The following RBMS3 variants were observed in gnomAD, a reference collection of about 807,000 sequenced individuals.
The protein encoded by RBMS3 is RNA binding motif single stranded interacting protein 3, also known as RNA-binding motif, single-stranded-interacting protein 3.
RBMS3 carries 27 observed loss-of-function variants against 66.8 expected under a neutral mutation model. The ratio of observed to expected loss-of-function variants is 0.40; its 90% CI spans 0.30 to 0.56. RBMS3 has a LOEUF of 0.56. Ranked by LOEUF, RBMS3 falls within the 20% of genes least tolerant of loss-of-function variation. The pLI, the probability that RBMS3 is intolerant of heterozygous loss-of-function variation, is 0.40. For missense variants in RBMS3, 513 were observed against 549.5 expected (o/e 0.93, Z 0.66); for synonymous variants, 188 against 183.0 (o/e 1.03, Z -0.22).
chr3:29,578,447 G>A (rs925155674), intron 3 of RBMS3, among the ~76,000 whole-genome samples: 2 of 152,178 alleles, frequency 1.3e-5, no homozygotes, highest in African/African-American at 4.8e-5. Flanking sequence ...GTAATCTGGA[G>A]TATAAGAAGA....
intron 2 of RBMS3, among the ~76,000 whole-genome samples, chr3:29,460,180 T>G (rs2042326728): frequency 6.6e-6 from 1 of 152,184 alleles, no homozygotes; most frequent in South Asian, 2.1e-4. Context: ...ACACCATTGG[T>G]AGAAATATGT....
At chr3:29,394,829 A>G (rs1292340018) in intron 1 of RBMS3, among the ~76,000 whole-genome samples, 1 of 152,162 alleles carries the variant, frequency 6.6e-6, no homozygotes. Context: ...AGACTGCTTC[A>G]GCCACAGTGG....
chr3:29,658,908 C>T (rs960450614), intron 4 of RBMS3, among the ~76,000 whole-genome samples: 10 of 152,176 alleles, frequency 6.6e-5, no homozygotes, highest in Middle Eastern at 3.2e-3. Context: ...CTGCAACCTC[C>T]GCCTCCCGGG....
At chr3:29,303,569 G>A (rs2033817309) in intron 1 of RBMS3, among the ~76,000 whole-genome samples, 1 of 151,910 alleles carries the variant, frequency 6.6e-6, no homozygotes, top group African/African-American at 2.4e-5. Flanking sequence ...GCCTAGGATG[G>A]CACTTCTTGA....
chr3:29,850,570 C>T (rs1172799028), intron 6 of RBMS3, among the ~76,000 whole-genome samples: 1 of 152,056 alleles, frequency 6.6e-6, no homozygotes, highest in Non-Finnish European at 1.5e-5. Flanking sequence ...TCCATTTTCG[C>T]TAGGAAATTG....
At chr3:29,336,713 C>T (rs887901494) in intron 1 of RBMS3, among the ~76,000 whole-genome samples, 1 of 152,040 alleles carries the variant, frequency 6.6e-6, no homozygotes, top group African/African-American at 2.4e-5. Context: ...TATTATTAGT[C>T]ATTCTATAAT....
chr3:29,436,371 G>A (rs1254477636), intron 2 of RBMS3, among the ~76,000 whole-genome samples: 1 of 152,126 alleles, frequency 6.6e-6, no homozygotes, highest in African/African-American at 2.4e-5. Flanking sequence ...TTGCTACTGA[G>A]TGCCTTGATT....
At chr3:29,903,933 T>G (rs1222905884) in intron 10 of RBMS3, among the ~76,000 whole-genome samples, 2 of 151,954 alleles carry the variant, frequency 1.3e-5, no homozygotes, top group Non-Finnish European at 2.9e-5. Flanking sequence ...AAATATAAAC[T>G]TCTTCTTTAC....
At chr3:29,807,671 C>T (rs2057600364) in intron 6 of RBMS3, among the ~76,000 whole-genome samples, 1 of 151,774 alleles carries the variant, frequency 6.6e-6, no homozygotes. Context: ...AATATGGTGA[C>T]TTGGAAAGAT....
chr3:29,502,383 C>T (rs1254745407), intron 3 of RBMS3, among the ~76,000 whole-genome samples: 1 of 152,064 alleles, frequency 6.6e-6, no homozygotes, highest in East Asian at 1.9e-4. Context: ...CACTCTTTCT[C>T]CCATAAAATA....
chr3:29,599,679 C>T (rs1218284538), intron 4 of RBMS3, among the ~76,000 whole-genome samples: 1 of 152,012 alleles, frequency 6.6e-6, no homozygotes, highest in Non-Finnish European at 1.5e-5. Flanking sequence ...TACAAACATT[C>T]ATGTAGCAGG....
chr3:29,936,713 A>G (rs2149689757), intron 11 of RBMS3, among the ~76,000 whole-genome samples: 1 of 152,180 alleles, frequency 6.6e-6, no homozygotes, highest in South Asian at 2.1e-4. Flanking sequence ...GAAGGAAGGG[A>G]ACCTAATGTG....
chr3:29,897,505 A>G, intron 9 of RBMS3, 30 bp downstream of exon 9: 2 of 1,581,096 alleles, frequency 1.3e-6, no homozygotes, highest in Non-Finnish European at 1.7e-6. Context: ...ACCTTAGGAG[A>G]TATCTTTCTT....
chr3:29,364,108 A>G (rs1575621648), intron 1 of RBMS3, among the ~76,000 whole-genome samples: 1 of 152,176 alleles, frequency 6.6e-6, no homozygotes, highest in Non-Finnish European at 1.5e-5. Context: ...TGGAACCATT[A>G]CATGTCCAAA....
At chr3:29,444,345 T>C (rs2041738338) in intron 2 of RBMS3, among the ~76,000 whole-genome samples, 1 of 152,094 alleles carries the variant, frequency 6.6e-6, no homozygotes, top group Non-Finnish European at 1.5e-5. Context: ...AGCTGGTAAT[T>C]AGCAAATCCA....
intron 3 of RBMS3, among the ~76,000 whole-genome samples, chr3:29,533,332 A>G (rs996415972): frequency 3.7e-4 from 56 of 151,710 alleles, no homozygotes; most frequent in African/African-American, 1.0e-3. Flanking sequence ...TAAAAAAAAA[A>G]TTAGTGAAGT....
intron 3 of RBMS3, among the ~76,000 whole-genome samples, chr3:29,505,148 G>A (rs567261517): frequency 3.9e-5 from 6 of 152,020 alleles, no homozygotes; most frequent in Non-Finnish European, 7.4e-5. Flanking sequence ...ATGTCACAGA[G>A]CTTTTCGGCT....
chr3:29,989,436 G>T (rs977054512), intron 13 of RBMS3, among the ~76,000 whole-genome samples: 1 of 152,084 alleles, frequency 6.6e-6, no homozygotes, highest in Non-Finnish European at 1.5e-5. Context: ...TTCCTTCTCA[G>T]CAGCTGGGAA....
At chr3:29,486,070 A>T (rs2043306031) in intron 2 of RBMS3, among the ~76,000 whole-genome samples, 1 of 152,156 alleles carries the variant, frequency 6.6e-6, no homozygotes, top group Non-Finnish European at 1.5e-5. Flanking sequence ...ATAAAAGCAT[A>T]ATTTCATAGG....
Sources: gnomAD v4.1 joint callset for allele counts (sites outside exome capture counted in the v4.1 genomes callset) on GRCh38, gnomAD v4.1.1 for gene constraint, MANE v1.5 for transcripts, NCBI Gene and HGNC (gene_info 2026-07-23, HGNC 2026-07-21) for gene names.